RAD51B: variants seen among roughly 807,000 people sequenced by gnomAD.
RAD51B encodes the protein RAD51 paralog B.
In RAD51B, 38 loss-of-function variants were observed where a neutral mutation model predicts 42.2. The observed-to-expected ratio is 0.90, with a 90% CI of 0.70 to 1.18. RAD51B has a LOEUF of 1.18. Ranked by LOEUF, RAD51B falls within the 50% of genes most tolerant of loss-of-function variation. The pLI, the probability that RAD51B is intolerant of heterozygous loss-of-function variation, is 0.00. For synonymous variants in RAD51B, 154 were observed against 145.2 expected (o/e 1.06, Z -0.43); for missense variants, 373 against 400.7 (o/e 0.93, Z 0.59).
intron 9 of RAD51B, 79 bp from the exon 10 acceptor site, chr14:68,468,093 C>A: frequency 8.1e-7 from 1 of 1,231,938 alleles, no homozygotes; most frequent in South Asian, 1.2e-5. Flanking sequence ...ACCACTTTGT[C>A]TCAAAGTGGG....
chr14:68,562,813 G>A (rs1348744534), intron 10 of RAD51B: 2 of 985,250 alleles, frequency 2.0e-6, no homozygotes, highest in Non-Finnish European at 2.4e-6. Flanking sequence ...GACATCACAA[G>A]GTAAGTATTC....
intron 7 of RAD51B, among the ~76,000 whole-genome samples, chr14:68,166,795 A>G (rs1029225268): frequency 3.9e-5 from 6 of 152,184 alleles, no homozygotes; most frequent in Non-Finnish European, 8.8e-5. Context: ...TTGTAGCACA[A>G]CATACATAAA....
At chr14:68,338,811 T>C (rs561644855) in intron 8 of RAD51B, 22 of 583,412 alleles carry the variant, frequency 3.8e-5, no homozygotes, top group South Asian at 2.7e-4. Flanking sequence ...ACCCAGGACA[T>C]TGCCTCCCCA....
chr14:68,476,704 C>G (rs1363913057), intron 10 of RAD51B, among the ~76,000 whole-genome samples: 1 of 152,158 alleles, frequency 6.6e-6, no homozygotes, highest in East Asian at 1.9e-4. Flanking sequence ...GCCAGCCATG[C>G]GAAACTTCTG....
At chr14:68,440,931 T>G (rs988805024) in intron 9 of RAD51B, among the ~76,000 whole-genome samples, 2 of 152,210 alleles carry the variant, frequency 1.3e-5, no homozygotes, top group African/African-American at 2.4e-5. Flanking sequence ...GTCTTGCAAG[T>G]CCACAAATGC....
At chr14:67,928,144 G>A (rs2044593059) in intron 7 of RAD51B, among the ~76,000 whole-genome samples, 1 of 151,908 alleles carries the variant, frequency 6.6e-6, no homozygotes, top group African/African-American at 2.4e-5. Context: ...TTTTTTTCTT[G>A]AGAGACTTTT....
chr14:68,309,949 A>G (rs929073478), intron 8 of RAD51B, among the ~76,000 whole-genome samples: 1 of 152,228 alleles, frequency 6.6e-6, no homozygotes, highest in Non-Finnish European at 1.5e-5. Context: ...TCTTAGACAT[A>G]CTAGGATGGC....
In RAD51B at chr14:67,864,961, CTTTTTTTTTTTTT is replaced by C. The variant is rs745505141; in HGVS notation, c.316-15_316-3del. The C allele has an allele frequency of 3.9e-4, 252 of 645,044 alleles. 7 individuals are homozygous for C. In the East Asian group the frequency reaches 4.6e-3, roughly 12 times the overall value. 40.0% of individuals were successfully genotyped at this position (645,044 alleles called of 1,614,324 possible). On this transcript the variant is annotated intron_variant, in intron 4 of 10. Coordinates refer to ENST00000471583, the MANE Select transcript of RAD51B (RefSeq NM_133510.4). ...TGGCTTGTGATGTTTATCTAAAAAA[CTTTTTTTTTTTTT>C]TTTTTTTTTTTTTTTTTTTTTTTTT... is the stretch of plus-strand genomic sequence containing the variant.
At chr14:68,421,742 T>C (rs952750742) in intron 9 of RAD51B, 50 of 1,595,788 alleles carry the variant, frequency 3.1e-5, no homozygotes, top group Middle Eastern at 1.8e-4. Context: ...TTCTTGCTGG[T>C]CTTGCCATTC....
chr14:67,903,855 G>T (rs1272658215), intron 7 of RAD51B, among the ~76,000 whole-genome samples: 1 of 152,100 alleles, frequency 6.6e-6, no homozygotes, highest in Non-Finnish European at 1.5e-5. Flanking sequence ...CATTACCCAG[G>T]TAATAAGCAT....
chr14:68,629,450 A>C (rs1050752581), intron 10 of RAD51B, among the ~76,000 whole-genome samples: 5 of 152,200 alleles, frequency 3.3e-5, no homozygotes, highest in African/African-American at 1.2e-4. Flanking sequence ...GCTAGACACA[A>C]AATGTGGGCG....
intron 10 of RAD51B, among the ~76,000 whole-genome samples, chr14:68,579,717 G>C (rs1890125998): frequency 6.6e-6 from 1 of 152,204 alleles, no homozygotes; most frequent in Non-Finnish European, 1.5e-5. Context: ...AGCTGAGCCT[G>C]GTGCGTGGGG....
rs1250423144 is a variant in RAD51B at position 68,328,697 on chromosome 14, T to C, written c.853+36717T>C. ...AGACCAAACGAGTTTCAGTGCTTGGTTTAGAAATGAATATGTAACCGAAGC... is the reference window on the plus strand; with the variant it reads ...AGACCAAACGAGTTTCAGTGCTTGGCTTAGAAATGAATATGTAACCGAAGC... On this transcript the variant is annotated intron_variant, in intron 8 of 10. Coordinates refer to ENST00000471583, the MANE Select transcript of RAD51B (RefSeq NM_133510.4). Among the ~76,000 whole-genome samples the C allele has an allele frequency of 2.0e-5, 3 of 151,954 alleles. No individual in the cohort carries two copies. The East Asian group carries it at 5.8e-4, about 29-fold the overall frequency.
At chr14:68,349,673 T>C (rs1566825496) in intron 8 of RAD51B, among the ~76,000 whole-genome samples, 1 of 152,148 alleles carries the variant, frequency 6.6e-6, no homozygotes, top group Admixed American at 6.5e-5. Flanking sequence ...GCTTCCCTAC[T>C]TTTTTATATC....
At chr14:67,861,846 T>A (rs1017667139) in intron 4 of RAD51B, among the ~76,000 whole-genome samples, 5 of 152,252 alleles carry the variant, frequency 3.3e-5, no homozygotes, top group African/African-American at 1.2e-4. Flanking sequence ...TTGGAATATT[T>A]CTTTTATCAT....
intron 7 of RAD51B, among the ~76,000 whole-genome samples, chr14:68,092,484 G>C (rs2077117455): frequency 6.6e-6 from 1 of 152,150 alleles, no homozygotes; most frequent in Non-Finnish European, 1.5e-5. Context: ...GTTCACTCAT[G>C]ATTTGGCTCT....
chr14:68,658,348 G>A (rs1005987656), intron 11 of RAD51B, among the ~76,000 whole-genome samples: 2 of 152,238 alleles, frequency 1.3e-5, no homozygotes, highest in Admixed American at 6.5e-5. Context: ...AGCACTGACA[G>A]ACCTGTCCTC....
At chr14:68,153,622 CAT>C in intron 7 of RAD51B, among the ~76,000 whole-genome samples, 1 of 152,122 alleles carries the variant, frequency 6.6e-6, no homozygotes, top group South Asian at 2.1e-4. Context: ...GCTCGTTGGC[CAT>C]ATATATGTCT....
intron 7 of RAD51B, among the ~76,000 whole-genome samples, chr14:68,230,251 G>A (rs2080120118): frequency 6.6e-6 from 1 of 152,130 alleles, no homozygotes; most frequent in African/African-American, 2.4e-5. Context: ...AAGGAAAAAA[G>A]AGTAATTTTT....
Sources: gnomAD v4.1 joint callset for allele counts (sites outside exome capture counted in the v4.1 genomes callset) on GRCh38, gnomAD v4.1.1 for gene constraint, MANE v1.5 for transcripts, NCBI Gene and HGNC (gene_info 2026-07-23, HGNC 2026-07-21) for gene names.